PTPRA: variants seen among roughly 807,000 people sequenced by gnomAD.
The protein encoded by PTPRA is receptor-type tyrosine-protein phosphatase alpha.
In PTPRA, 25 loss-of-function variants were observed where a neutral mutation model predicts 104.8. The ratio of observed to expected loss-of-function variants is 0.24; its 90% confidence interval spans 0.17 to 0.33. The LOEUF (loss-of-function observed/expected upper bound fraction) is 0.33, where lower values mean the gene tolerates loss of function less well. Ranked by LOEUF, PTPRA falls within the 10% of genes least tolerant of loss-of-function variation. The probability of loss-of-function intolerance (pLI) is 1.00; values close to 1 mark genes in which losing one functional copy is unlikely to be tolerated. For missense variants in PTPRA, 765 were observed against 1,015.3 expected (o/e 0.75, Z 3.35); for synonymous variants, 323 against 368.9 (o/e 0.88, Z 1.43).
At chr20:2,990,702 G>C (rs950707972) in intron 9 of PTPRA, among the ~76,000 whole-genome samples, 2 of 152,144 alleles carry the variant, frequency 1.3e-5, no homozygotes, top group Non-Finnish European at 2.9e-5. Context: ...CTGCACCCCA[G>C]CCTGGACAAC....
chr20:2,992,936 T>C (rs913868116), intron 9 of PTPRA, among the ~76,000 whole-genome samples: 1 of 152,162 alleles, frequency 6.6e-6, no homozygotes, highest in Admixed American at 6.5e-5. Context: ...CTTCAAAAAA[T>C]TAGCTGGGCA....
intron 9 of PTPRA, among the ~76,000 whole-genome samples, chr20:2,990,704 C>CT (rs1208374001): frequency 4.6e-5 from 7 of 152,198 alleles, no homozygotes; most frequent in African/African-American, 1.7e-4. Context: ...GCACCCCAGC[C>CT]TGGACAACAG....
intron 1 of PTPRA, among the ~76,000 whole-genome samples, chr20:2,912,041 G>A (rs377477638): frequency 5.9e-5 from 9 of 151,916 alleles, no homozygotes; most frequent in African/African-American, 2.2e-4. Flanking sequence ...CCAGGAGTTC[G>A]AGACAAGCCT....
At chr20:3,026,666 C>G (rs866960987) in intron 17 of PTPRA, 21 bp from the exon 18 acceptor site, 9 of 1,559,296 alleles carry the variant, frequency 5.8e-6, no homozygotes, top group Non-Finnish European at 8.0e-6. Context: ...AGTAATGTTT[C>G]CCCTCCCCTT....
At chr20:2,937,138 T>TTG (rs1176343644) in intron 2 of PTPRA, among the ~76,000 whole-genome samples, 1 of 151,014 alleles carries the variant, frequency 6.6e-6, no homozygotes, top group African/African-American at 2.4e-5. Context: ...TTTTTTTTTT[T>TTG]TTTTGAGACG....
intron 1 of PTPRA, among the ~76,000 whole-genome samples, chr20:2,916,191 C>T (rs1448670252): frequency 6.6e-6 from 1 of 151,870 alleles, no homozygotes; most frequent in African/African-American, 2.4e-5. Flanking sequence ...AGGCTTGTGC[C>T]ACCATGCCTG....
chr20:2,878,613 AT>A (rs2089881356), intron 1 of PTPRA, among the ~76,000 whole-genome samples: 1 of 152,048 alleles, frequency 6.6e-6, no homozygotes, highest in African/African-American at 2.4e-5. Flanking sequence ...CTTCTTTTGG[AT>A]TATTTCCTTG....
chr20:2,946,987 A>G (rs1600154241), intron 2 of PTPRA, among the ~76,000 whole-genome samples: 1 of 152,306 alleles, frequency 6.6e-6, no homozygotes, highest in South Asian at 2.1e-4. Context: ...ATGAGAAAGG[A>G]GGGTGAGAAG....
Position 3,035,874 on chromosome 20 carries a change from A to G in PTPRA, c.2131A>G (p.Ser711Gly), listed in dbSNP as rs2065776233. The G allele has an allele frequency of 6.2e-7, 1 of 1,614,146 alleles. No homozygotes were observed. Among genetic ancestry groups the G allele is most frequent in the Non-Finnish European group, 8.5e-7 (1 of 1,180,052 alleles). Residue 711 changes from serine (S) to glycine (G), a missense_variant, in exon 22 of 24, where the codon AGC becomes GGC. Physicochemically the swap from Ser to Gly is moderately conservative, Grantham distance 56. Coordinates refer to ENST00000399903, the MANE Select transcript of PTPRA (RefSeq NM_001385305.1). The surrounding 1 kb of genome is among the most constrained non-coding windows in gnomAD (Gnocchi z 5.8). ...CCCCAGTGACGGAAAGGGCATGATC[A>G]GCATCATCGCCGCCGTGCAGAAGCA... ...GIPSDGKGMI[S>G]IIAAVQKQQQ...
chr20:3,017,781 TATA>T (rs757158393), intron 12 of PTPRA, 32 bp from the exon 13 acceptor site: 1 of 1,566,200 alleles, frequency 6.4e-7, no homozygotes, highest in East Asian at 2.2e-5. Context: ...CTTCTTGGTG[TATA>T]TTCTCTTCAT....
Position 3,022,212 on chromosome 20 carries a change from C to G in PTPRA, c.1320C>G (p.Val440=), listed in dbSNP as rs776467391. 1 of 1,614,000 alleles carries G rather than the reference C, an allele frequency of 6.2e-7. No individual in the cohort carries two copies. The highest frequency in any genetic ancestry group is 1.3e-5 in the African/African-American group (1 of 74,932). The change falls in exon 15 of 24, where the codon GTC becomes GTG. Residue 440 remains valine (V), a synonymous_variant. Transcript: ENST00000399903. The surrounding 1 kb of genome is among the most constrained non-coding windows in gnomAD (Gnocchi z 4.6). The stretch of plus-strand genomic sequence containing the variant: ...CTCAGTATGCAGGGGCCATCGTGGT[C>G]CACTGCAGGTCAGTGTGGCCTGACC... ...CNPQYAGAIV[V]HCSAGVGRTG...
chr20:2,966,374 A>T (rs1437679309), intron 5 of PTPRA, among the ~76,000 whole-genome samples: 1 of 152,204 alleles, frequency 6.6e-6, no homozygotes, highest in Non-Finnish European at 1.5e-5. Context: ...CTCATAGAGG[A>T]GATATTAGGA....
intron 20 of PTPRA, among the ~76,000 whole-genome samples, chr20:3,029,720 G>A (rs190759083): frequency 4.2e-4 from 63 of 151,762 alleles, no homozygotes; most frequent in African/African-American, 1.5e-3. Context: ...TAGGCACGGG[G>A]TTTCACCATG....
At chr20:2,898,240 C>T (rs1294351417) in intron 1 of PTPRA, among the ~76,000 whole-genome samples, 4 of 151,774 alleles carry the variant, frequency 2.6e-5, no homozygotes, top group Non-Finnish European at 2.9e-5. Flanking sequence ...CCACCATGCC[C>T]GGCTAATTTT....
intron 3 of PTPRA, among the ~76,000 whole-genome samples, chr20:2,963,986 G>T (rs2061853692): frequency 6.7e-6 from 1 of 149,528 alleles, no homozygotes; most frequent in African/African-American, 2.5e-5. Flanking sequence ...GCTGCACTGA[G>T]CTATGATCAT....
intron 5 of PTPRA, 25 bp from the exon 6 acceptor site, chr20:2,975,190 T>C (rs1454528927): frequency 1.3e-6 from 2 of 1,563,174 alleles, no homozygotes. Context: ...TGAATGAATG[T>C]TTCTATTTTT....
At chr20:2,992,520 A>C (rs2063223440) in intron 9 of PTPRA, among the ~76,000 whole-genome samples, 1 of 152,152 alleles carries the variant, frequency 6.6e-6, no homozygotes, top group African/African-American at 2.4e-5. Context: ...TCCATCTCAA[A>C]AAAACAAAAC....
rs1489292844 is a variant in PTPRA, at chr20:2,950,524, T to C, written c.-7+2500T>C. Among the ~76,000 whole-genome samples the C allele has an allele frequency of 2.0e-5, 3 of 151,474 alleles. No homozygotes were observed. The highest frequency in any genetic ancestry group is 4.4e-5 in the Non-Finnish European group (3 of 67,908). ...CGGGCGTGGTGGCAGGCACCTGTAG[T>C]CCCAGCTACTCAGAAGGCTGAGGCA... On this transcript the variant is annotated intron_variant, in intron 3 of 23. Transcript: ENST00000399903. This position sits in a 1 kb window ranked among gnomAD's most constrained non-coding sequence, Gnocchi z 4.0.
rs143312746 is a variant in PTPRA, at chr20:3,001,302, A to G, written c.739-3754A>G. Among the ~76,000 whole-genome samples, 426 of 152,312 alleles carry G rather than the reference A, an allele frequency of 2.8e-3. 2 individuals are homozygous for G. Among genetic ancestry groups the G allele is most frequent in the African/African-American group, 9.8e-3 (408 of 41,578 alleles). On this transcript the variant is annotated intron_variant, in intron 9 of 23. Coordinates refer to ENST00000399903, the MANE Select transcript of PTPRA (RefSeq NM_001385305.1). ...CAAGCCCTTTCTTCTCTCTTGTTAA[A>G]CAATGGCTCCTGTTTCTTCCTGACT...
Sources: gnomAD v4.1 joint callset for allele counts (sites outside exome capture counted in the v4.1 genomes callset) on GRCh38, gnomAD v4.1.1 for gene constraint, Gnocchi (gnomAD v3.1) non-coding constraint, MANE v1.5 for transcripts, NCBI Gene and HGNC (gene_info 2026-07-23, HGNC 2026-07-21) for gene names.